The following LINGO2 variants were observed in gnomAD, a reference collection of about 807,000 sequenced individuals.
The protein encoded by LINGO2 is leucine-rich repeat and immunoglobulin-like domain-containing nogo receptor-interacting protein 2.
Under a neutral mutation model 30.6 loss-of-function variants are expected in LINGO2, and 14 were observed. That is an observed-to-expected ratio of 0.46 (90% CI 0.30 to 0.72). The LOEUF is 0.72. LINGO2 is among the 30% of genes least tolerant of loss of function. LINGO2 has a pLI of 0.07. For missense variants in LINGO2, 729 were observed against 751.7 expected (o/e 0.97, Z 0.35); for synonymous variants, 317 against 288.5 (o/e 1.10, Z -1.00).
intron 4 of LINGO2, among the ~76,000 whole-genome samples, chr9:28,017,295 C>CT (rs1229140015): frequency 2.6e-5 from 4 of 152,096 alleles, no homozygotes. Context: ...CAAGGATGCC[C>CT]TTTCACTACT....
At chr9:28,991,664 C>G in the LINGO2 span, among the ~76,000 whole-genome samples, 5 of 150,812 alleles carry the variant, frequency 3.3e-5, no homozygotes, top group Non-Finnish European at 5.9e-5. Context: ...AACAGCGGAT[C>G]TCTCGGCAGA....
the LINGO2 span, among the ~76,000 whole-genome samples, chr9:28,851,089 C>T: frequency 1.3e-5 from 2 of 152,032 alleles, no homozygotes; most frequent in African/African-American, 4.8e-5. Context: ...TAAGGAAGAT[C>T]TAAAACAACA....
chr9:28,311,192 A>G (rs1177266357), intron 3 of LINGO2, among the ~76,000 whole-genome samples: 1 of 152,116 alleles, frequency 6.6e-6, no homozygotes, highest in Non-Finnish European at 1.5e-5. Flanking sequence ...GATTTTCAAA[A>G]GGGGAGGGAG....
chr9:29,186,082 T>C, the LINGO2 span, among the ~76,000 whole-genome samples: 2 of 152,138 alleles, frequency 1.3e-5, no homozygotes, highest in Non-Finnish European at 2.9e-5. Flanking sequence ...CATTTCACCT[T>C]GGAAAAATTA....
intron 4 of LINGO2, among the ~76,000 whole-genome samples, chr9:28,206,368 C>A (rs1227998500): frequency 6.6e-6 from 1 of 151,850 alleles, no homozygotes; most frequent in African/African-American, 2.4e-5. Flanking sequence ...ATATCTAAAT[C>A]AAGAACAAAA....
At chr9:28,262,848 C>G (rs938883687) in intron 4 of LINGO2, among the ~76,000 whole-genome samples, 1 of 151,976 alleles carries the variant, frequency 6.6e-6, no homozygotes, top group African/African-American at 2.4e-5. Context: ...CAGTAAGAGA[C>G]ATCTCCTGGG....
the LINGO2 span, among the ~76,000 whole-genome samples, chr9:28,950,421 A>C: frequency 0.16 from 24,983 of 152,132 alleles, 2,082 homozygotes; most frequent in South Asian, 0.2. Context: ...AAAGAAATGA[A>C]GGGTATTCAA....
At chr9:28,121,606 C>T (rs998738457) in intron 4 of LINGO2, among the ~76,000 whole-genome samples, 2 of 152,090 alleles carry the variant, frequency 1.3e-5, no homozygotes, top group Non-Finnish European at 2.9e-5. Flanking sequence ...TCAGCCGGGT[C>T]TCTTGGCAGA....
At chr9:28,136,818 GATGAGA>G (rs1420134249) in intron 4 of LINGO2, among the ~76,000 whole-genome samples, 13 of 152,248 alleles carry the variant, frequency 8.5e-5, no homozygotes, top group Middle Eastern at 6.8e-3. Context: ...GGTGTTTCTG[GATGAGA>G]TTAACATTTG....
chr9:28,151,064 A>G (rs1827986068), intron 4 of LINGO2, among the ~76,000 whole-genome samples: 1 of 152,378 alleles, frequency 6.6e-6, no homozygotes, highest in South Asian at 2.1e-4. Context: ...AGTAACACTA[A>G]TAACAAATCC....
At chr9:28,632,388 T>C (rs1442086944) in intron 1 of LINGO2, among the ~76,000 whole-genome samples, 1 of 151,760 alleles carries the variant, frequency 6.6e-6, no homozygotes, top group East Asian at 1.9e-4. Flanking sequence ...GTTCCAAGGT[T>C]ATACCTACCC....
At chr9:28,366,956 G>T (rs1587550697) in intron 3 of LINGO2, among the ~76,000 whole-genome samples, 1 of 151,886 alleles carries the variant, frequency 6.6e-6, no homozygotes, top group Non-Finnish European at 1.5e-5. Flanking sequence ...AATGACACAG[G>T]TAAAATGCCA....
chr9:28,552,556 T>TGA (rs1822353659), intron 1 of LINGO2, among the ~76,000 whole-genome samples: 1 of 151,986 alleles, frequency 6.6e-6, no homozygotes, highest in Non-Finnish European at 1.5e-5. Flanking sequence ...GATGGATCTA[T>TGA]TGCTATTCAT....
In LINGO2 at chr9:28,141,345, G is replaced by A. The variant is rs540038848; in HGVS notation, c.-86-128940C>T. Among the ~76,000 whole-genome samples the A allele has an allele frequency of 9.2e-5, 14 of 152,300 alleles. No individual in the cohort carries two copies. The South Asian group carries it at 2.1e-3, about 23-fold the overall frequency. Reference sequence around the variant, plus strand: ...ATATTTGCAAATGTGGTGTGGGAACGTTGGTGTGTTTGTAACAAGACTGGC... The same window carrying A: ...ATATTTGCAAATGTGGTGTGGGAACATTGGTGTGTTTGTAACAAGACTGGC... On this transcript the variant is annotated intron_variant, in intron 4 of 5. Transcript: ENST00000379992.
At chr9:27,992,292 A>T (rs10968258) in intron 5 of LINGO2, among the ~76,000 whole-genome samples, 42 of 152,096 alleles carry the variant, frequency 2.8e-4, no homozygotes, top group African/African-American at 9.6e-4. Context: ...CAGTGGATAC[A>T]TGCAAAATAA....
the LINGO2 span, among the ~76,000 whole-genome samples, chr9:29,213,298 CT>C: frequency 6.6e-6 from 1 of 152,208 alleles, no homozygotes; most frequent in Non-Finnish European, 1.5e-5. Flanking sequence ...CCCCTCCCCC[CT>C]TTCTCCCCTT....
chr9:28,284,051 G>A (rs1401670230), intron 4 of LINGO2, among the ~76,000 whole-genome samples: 2 of 152,074 alleles, frequency 1.3e-5, no homozygotes, highest in East Asian at 1.9e-4. Context: ...TTATCAAATC[G>A]TTAGCCTCTG....
At chr9:28,603,018 G>T (rs1174312448) in intron 1 of LINGO2, among the ~76,000 whole-genome samples, 1 of 152,044 alleles carries the variant, frequency 6.6e-6, no homozygotes, top group Non-Finnish European at 1.5e-5. Flanking sequence ...GGATAAAGAA[G>T]ATGTCCAATA....
chr9:29,198,878 G>A, the LINGO2 span, among the ~76,000 whole-genome samples: 3 of 152,228 alleles, frequency 2.0e-5, 1 homozygote, highest in East Asian at 3.9e-4. Context: ...TATTACGCAT[G>A]TAACTGGACG....
Sources: allele counts gnomAD v4.1 joint callset (sites outside exome capture counted in the v4.1 genomes callset), GRCh38; gene constraint gnomAD v4.1.1; transcripts MANE v1.5; gene names NCBI Gene and HGNC (gene_info 2026-07-23, HGNC 2026-07-21).